Variants in NLK observed in about 807,000 individuals in gnomAD.
NLK encodes serine/threonine-protein kinase NLK.
A neutral mutation model predicts 59.0 loss-of-function variants in NLK; 11 were observed. That is an observed-to-expected ratio of 0.19 (90% CI 0.12 to 0.31). The LOEUF is 0.31. NLK is among the 10% of genes least tolerant of loss of function. The pLI is 1.00. For missense variants in NLK, 410 were observed against 661.1 expected, an observed-to-expected ratio of 0.62 and a Z score of 4.16; for synonymous variants, 235 against 235.9, an observed-to-expected ratio of 1.00 and a Z score of 0.03.
chr17:28,120,235 GGTGTGTGT>G (rs10542547), intron 1 of NLK, among the ~76,000 whole-genome samples: 743 of 139,180 alleles, frequency 5.3e-3, no homozygotes, highest in Middle Eastern at 0.011. Context: ...TTTGGCTTGG[GGTGTGTGT>G]GTGTGTGTGT....
chr17:28,042,862 C>A lies in NLK; in HGVS notation c.-12C>A, dbSNP rs1415015265. 1.4e-6 allele frequency: 2 copies of A among 1,481,042 alleles called. No homozygotes were observed. The highest frequency in any genetic ancestry group is 4.6e-5 in the Admixed American group (2 of 43,242). The allele number at this position is 1,481,042 out of a possible 1,614,324, so 91.7% of individuals were successfully genotyped here. Reference sequence around the variant, plus strand: ...CCCAGTTTGCTTTCCAATCAAAGGGCATTTATTTTGAATGTCTCTTTGTGG... The same window carrying A: ...CCCAGTTTGCTTTCCAATCAAAGGGAATTTATTTTGAATGTCTCTTTGTGG... On this transcript the variant is annotated 5_prime_UTR_variant, in exon 1 of 11. Coordinates refer to ENST00000407008, the MANE Select transcript of NLK (RefSeq NM_016231.5).
At chr17:28,061,464 A>G (rs185312733) in intron 1 of NLK, among the ~76,000 whole-genome samples, 24 of 152,178 alleles carry the variant, frequency 1.6e-4, no homozygotes, top group African/African-American at 5.6e-4. Context: ...TGAGAGTAAT[A>G]TAAGTTATTA....
intron 1 of NLK, among the ~76,000 whole-genome samples, chr17:28,111,901 GTGTGTGT>G (rs1905527522): frequency 4.8e-4 from 43 of 88,670 alleles, no homozygotes; most frequent in Admixed American, 7.3e-4. Flanking sequence ...TGTGTGGTGT[GTGTGTGT>G]GTGTGTGTGT....
rs60736283 is a variant in NLK, at chr17:28,126,906, T to C, written c.588+4174T>C. 9.5e-3 allele frequency among the ~76,000 whole-genome samples: 1,442 copies of C among 152,322 alleles called. 25 individuals are homozygous for C. Among genetic ancestry groups the C allele is most frequent in the African/African-American group, 0.033 (1,364 of 41,570 alleles). ...TGTATATACATGCATAGTTGTCATATGATCAGCAGGGAAAGTGATGATTTA... is the reference window on the plus strand; with the variant it reads ...TGTATATACATGCATAGTTGTCATACGATCAGCAGGGAAAGTGATGATTTA... On this transcript the variant is annotated intron_variant, in intron 2 of 10. Coordinates refer to ENST00000407008, the MANE Select transcript of NLK (RefSeq NM_016231.5).
chr17:28,167,609 G>A (rs559919639), intron 5 of NLK, among the ~76,000 whole-genome samples: 1 of 151,752 alleles, frequency 6.6e-6, no homozygotes, highest in Admixed American at 6.6e-5. Flanking sequence ...CAGCACTTTG[G>A]GAGGCCAAGG....
Position 28,154,511 on chromosome 17 carries a change from T to G in NLK, c.645-6649T>G, listed in dbSNP as rs945773242. 5.1e-4 allele frequency among the ~76,000 whole-genome samples: 78 copies of G among 152,284 alleles called. 1 individual carries two copies. Among genetic ancestry groups the G allele is most frequent in the African/African-American group, 1.8e-3 (73 of 41,560 alleles). On this transcript the variant is annotated intron_variant, in intron 3 of 10. Transcript: ENST00000407008. ...CTCTAAGCACTCCCACAGAGCTACA[T>G]TATAGTGAAACAATAATATTGTAAA...
chr17:28,091,500 CAT>C (rs1359478287), intron 1 of NLK, among the ~76,000 whole-genome samples: 1 of 151,034 alleles, frequency 6.6e-6, no homozygotes, highest in African/African-American at 2.4e-5. Flanking sequence ...TACACACACA[CAT>C]ATATAAAATC....
At chr17:28,183,867 T>C (rs1909012453) in intron 7 of NLK, among the ~76,000 whole-genome samples, 1 of 152,212 alleles carries the variant, frequency 6.6e-6, no homozygotes, top group Admixed American at 6.5e-5. Flanking sequence ...CTGCTAAAGG[T>C]TGTATTAAGC....
Position 28,087,386 on chromosome 17 carries a change from G to C in NLK, c.459-35217G>C, listed in dbSNP as rs79969544. 4.1e-4 allele frequency among the ~76,000 whole-genome samples: 63 copies of C among 152,268 alleles called. 3 individuals are homozygous for C. The East Asian group carries it at 0.012, about 29-fold the overall frequency. ...AATTGGACTTGGTGAGAAAGATTTG[G>C]TTCTAGCTTGGTTCTTTTGAGTGTT... On this transcript the variant is annotated intron_variant, in intron 1 of 10. Transcript: ENST00000407008.
At chr17:28,155,781 G>T (rs753792551) in intron 3 of NLK, among the ~76,000 whole-genome samples, 14 of 152,146 alleles carry the variant, frequency 9.2e-5, no homozygotes, top group African/African-American at 1.9e-4. Context: ...GGCCTGTCGG[G>T]GGGTGGAGGG....
the NLK span, among the ~76,000 whole-genome samples, chr17:28,202,010 T>C: frequency 6.6e-6 from 1 of 152,040 alleles, no homozygotes; most frequent in East Asian, 1.9e-4. Flanking sequence ...AGCGAGACTC[T>C]GTCTCAAAAG....
intron 1 of NLK, among the ~76,000 whole-genome samples, chr17:28,103,245 C>T (rs1178523181): frequency 1.3e-5 from 2 of 152,096 alleles, no homozygotes; most frequent in Non-Finnish European, 2.9e-5. Context: ...GTAGATTGTT[C>T]TCTGGAAGTA....
intron 3 of NLK, among the ~76,000 whole-genome samples, chr17:28,159,794 G>T (rs1907929133): frequency 6.6e-6 from 1 of 152,108 alleles, no homozygotes; most frequent in Non-Finnish European, 1.5e-5. Context: ...AATTATCCTG[G>T]CTGCTGTTTT....
intron 1 of NLK, among the ~76,000 whole-genome samples, chr17:28,108,586 A>G (rs1905307108): frequency 6.6e-6 from 1 of 152,230 alleles, no homozygotes; most frequent in East Asian, 1.9e-4. Context: ...TGATATAGCA[A>G]CAAATATATA....
intron 1 of NLK, among the ~76,000 whole-genome samples, chr17:28,085,731 AC>A (rs2142771257): frequency 6.6e-6 from 1 of 152,188 alleles, no homozygotes; most frequent in African/African-American, 2.4e-5. Flanking sequence ...ACAGAGCAAG[AC>A]CCAGTCTCAA....
intron 1 of NLK, among the ~76,000 whole-genome samples, chr17:28,091,001 T>C (rs1196957720): frequency 6.6e-6 from 1 of 152,192 alleles, no homozygotes; most frequent in Non-Finnish European, 1.5e-5. Flanking sequence ...TGTGGGCTTA[T>C]ATTCATATAG....
intron 2 of NLK, 70 bp downstream of exon 2, chr17:28,122,802 G>GA: frequency 6.4e-7 from 1 of 1,572,538 alleles, no homozygotes; most frequent in South Asian, 1.2e-5. Flanking sequence ...AAGAGCAGAT[G>GA]AAAGTTTAAA....
chr17:28,043,519 G>A (rs35090150), intron 1 of NLK, among the ~76,000 whole-genome samples, 188 bp downstream of exon 1: 1 of 152,338 alleles, frequency 6.6e-6, no homozygotes, highest in South Asian at 2.1e-4. Flanking sequence ...CTCATGGCAA[G>A]TTTTGGTGGA....
In NLK at chr17:28,177,225, T is replaced by A. The variant is rs192885924; in HGVS notation, c.1149+4607T>A. Among the ~76,000 whole-genome samples the A allele has an allele frequency of 3.6e-3, 554 of 152,188 alleles. 14 individuals are homozygous for A. The highest frequency in any genetic ancestry group is 0.032 in the Admixed American group (490 of 15,280). ...TCAATATAATTTCTATTGAAAAAAA[T>A]TCACATATAAGTGGACCCATGCAAT... On this transcript the variant is annotated intron_variant, in intron 7 of 10. Coordinates refer to ENST00000407008, the MANE Select transcript of NLK (RefSeq NM_016231.5).
Sources: allele counts gnomAD v4.1 joint callset (sites outside exome capture counted in the v4.1 genomes callset), GRCh38; gene constraint gnomAD v4.1.1; transcripts MANE v1.5; gene names NCBI Gene and HGNC (gene_info 2026-07-23, HGNC 2026-07-21).